The following KLHL36 variants were observed in gnomAD, a reference collection of about 807,000 sequenced individuals.
KLHL36 encodes the protein kelch like family member 36, also known as kelch-like protein 36.
KLHL36 carries 35 observed loss-of-function variants against 53.3 expected under a neutral mutation model. The ratio of observed to expected loss-of-function variants is 0.66; its 90% CI spans 0.50 to 0.87. KLHL36 has a LOEUF of 0.87. Among genes scored for constraint, KLHL36 ranks in the 40% least tolerant of loss-of-function variants. The pLI is 0.00. For synonymous variants in KLHL36, 472 were observed against 398.9 expected (o/e 1.18, Z -2.18); for missense variants, 864 against 897.6 (o/e 0.96, Z 0.48).
In KLHL36 at chr16:84,661,954, A is replaced by C; in HGVS notation, c.1672A>C (p.Asn558His). The C allele has an allele frequency of 6.3e-7, 1 of 1,599,814 alleles. No homozygotes were observed. The highest frequency in any genetic ancestry group is 8.5e-7 in the Non-Finnish European group (1 of 1,174,032). Residue 558 changes from asparagine to histidine, a missense_variant, in exon 5 of 5, where the codon AAC (asparagine) becomes CAC (histidine). Coordinates refer to ENST00000564996, the MANE Select transcript of KLHL36 (RefSeq NM_024731.4). The surrounding 1 kb of genome is among the most constrained non-coding windows in gnomAD (Gnocchi z 7.9). ...IYILGGYSWE[N>H]TAFSKTVQVY... is the part of the protein sequence containing the mutation. ...CATCCTGGGCGGCTACAGCTGGGAGAACACTGCCTTCTCCAAGACCGTGCA... is the reference window on the plus strand; with the variant it reads ...CATCCTGGGCGGCTACAGCTGGGAGCACACTGCCTTCTCCAAGACCGTGCA...
intron 2 of KLHL36, among the ~76,000 whole-genome samples, chr16:84,653,789 G>T (rs1031945305): frequency 6.8e-6 from 1 of 146,102 alleles, no homozygotes; most frequent in Non-Finnish European, 1.5e-5. Context: ...GCAGTGAGCC[G>T]AGATCGAGCC....
Position 84,666,675 on chromosome 16 carries a change from A to T in KLHL36, c.*4542A>T, listed in dbSNP as rs763798108. On this transcript the variant is annotated 3_prime_UTR_variant, in exon 5 of 5. Transcript: ENST00000564996. ...AGCGGAAACAATGAACCATTCTTGC[A>T]CTTTACAGAATCATTGTCCTTAGCT... The T allele has an allele frequency of 1.6e-4, 25 of 152,176 alleles. No homozygotes were observed. The highest frequency in any genetic ancestry group is 1.2e-4 in the Non-Finnish European group (8 of 68,022). The allele number at this position is 152,176 out of a possible 1,614,324, so 9.4% of individuals were successfully genotyped here.
intron 1 of KLHL36, 105 bp from the exon 2 acceptor site, chr16:84,650,745 CGT>C: frequency 2.6e-6 from 2 of 762,166 alleles, no homozygotes; most frequent in East Asian, 2.7e-5. Flanking sequence ...CTCCTTCTTC[CGT>C]GTGACTGTTT....
At chr16:84,651,511 T>G (rs974895349) in intron 2 of KLHL36, among the ~76,000 whole-genome samples, 1 of 152,226 alleles carries the variant, frequency 6.6e-6, no homozygotes, top group Non-Finnish European at 1.5e-5. Flanking sequence ...TGCTATACTT[T>G]CCACAAACTC....
At chr16:84,658,862 G>A (rs1034888393) in intron 3 of KLHL36, 2 of 152,146 alleles carry the variant, frequency 1.3e-5, no homozygotes, top group Admixed American at 6.5e-5. Flanking sequence ...AGAAATCTGA[G>A]ACTGCCCTCC....
Position 84,663,314 on chromosome 16 carries a change from C to T in KLHL36, c.*1181C>T, listed in dbSNP as rs1386815788. The T allele has an allele frequency of 6.6e-6, 1 of 152,342 alleles. No homozygotes were observed. 9.4% of individuals were successfully genotyped at this position (152,342 alleles called of 1,614,324 possible). On this transcript the variant is annotated 3_prime_UTR_variant, in exon 5 of 5. Coordinates refer to ENST00000564996, the MANE Select transcript of KLHL36 (RefSeq NM_024731.4). ...CTCCCGGGTGATAGGGCCATTCAGC[C>T]TCTGAGCTGTTCGTACCCGGATGGC...
At chr16:84,659,985 G>A in intron 4 of KLHL36, 68 bp downstream of exon 4, 5 of 1,452,834 alleles carry the variant, frequency 3.4e-6, no homozygotes, top group Non-Finnish European at 4.7e-6. Context: ...CAGTCCACGT[G>A]CCTCACTTTC....
chr16:84,649,964 C>T (rs1906744100), intron 1 of KLHL36, among the ~76,000 whole-genome samples: 1 of 147,816 alleles, frequency 6.8e-6, no homozygotes, highest in African/African-American at 2.5e-5. Flanking sequence ...GCCCCTCCCC[C>T]TGCCTCCCCC....
At position 84,648,942 on chromosome 16, in the gene KLHL36, A is replaced by C. The variant is rs990079811; in HGVS notation, c.-17+293A>C. 6.6e-6 allele frequency: 1 copy of C among 152,360 alleles called. No individual in the cohort carries two copies. The allele number at this position is 152,360 out of a possible 1,614,324, so 9.4% of individuals were successfully genotyped here. ...ACTCCGCCTCCTCGCCGCCGGCTGG[A>C]GCCTGCTGGGCGGCCGTTGCGCTGA... On this transcript the variant is annotated intron_variant, in intron 1 of 4. Transcript: ENST00000564996. The surrounding 1 kb of genome is among the most constrained non-coding windows in gnomAD (Gnocchi z 4.9).
In KLHL36 at chr16:84,648,571, G is replaced by T; in HGVS notation, c.-95G>T. ...GCAGCGGGCTGGCCGGGGGTCTCCT[G>T]AACCCGGGCCCCGCCGCCCCGACCG... On this transcript the variant is annotated 5_prime_UTR_variant, in exon 1 of 5. The change creates a premature stop within an existing upstream ORF in the 5' untranslated region. Coordinates refer to ENST00000564996, the MANE Select transcript of KLHL36 (RefSeq NM_024731.4). The surrounding 1 kb of genome is among the most constrained non-coding windows in gnomAD (Gnocchi z 4.9). The T allele has an allele frequency of 1.4e-5, 2 of 147,226 alleles. No individual in the cohort carries two copies. Among genetic ancestry groups the T allele is most frequent in the South Asian group, 3.6e-4 (2 of 5,518 alleles). The allele number at this position is 147,226 out of a possible 1,614,324, so 9.1% of individuals were successfully genotyped here. A position where few individuals can be genotyped will look rare whatever the true frequency, so the allele number is the denominator to read the frequency against.
chr16:84,658,199 G>T (rs1392734411), intron 3 of KLHL36: 5 of 368,648 alleles, frequency 1.4e-5, no homozygotes, highest in African/African-American at 1.0e-4. Flanking sequence ...GCAGATGGAA[G>T]GGTCTGTCTG....
chr16:84,662,099 G>A lies in KLHL36; in HGVS notation c.1817G>A (p.Gly606Asp). The change falls in exon 5 of 5, where the codon GGC (glycine) becomes GAC (aspartate). Residue 606 changes from glycine (G) to aspartate (D), a missense_variant. Gly to Asp is a moderately conservative substitution (Grantham distance 94, BLOSUM62 -1). Transcript: ENST00000564996. ...CGGCCAGAGGACAAGAAGAAGAAAG[G>A]CAAAGGCAAGAGGCACCAGGACCGG... ...EPRPEDKKKK[G>D]KGKRHQDRGQ is the part of the protein sequence containing the mutation. 1 of 1,566,222 alleles carries A rather than the reference G, an allele frequency of 6.4e-7. No individual in the cohort carries two copies. Among genetic ancestry groups the A allele is most frequent in the Non-Finnish European group, 8.7e-7 (1 of 1,154,818 alleles).
intron 2 of KLHL36, among the ~76,000 whole-genome samples, chr16:84,654,070 C>G (rs1365983298): frequency 2.0e-5 from 3 of 152,112 alleles, no homozygotes. Context: ...GGGGCTTTCC[C>G]CAGTCCTGCC....
chr16:84,657,012 G>A lies in KLHL36; in HGVS notation c.205G>A (p.Asp69Asn), dbSNP rs532197614. ...AHRNLLAVCS[D>N]YFNSMFTIGM... ...TCGCAACCTGCTGGCCGTGTGCAGC[G>A]ACTACTTCAACTCCATGTTCACCAT... Residue 69 changes from aspartate (D) to asparagine (N), a missense_variant, in exon 3 of 5, where the codon GAC (aspartate) becomes AAC (asparagine). By Grantham distance (23) the Asp-to-Asn change is conservative. Transcript: ENST00000564996. 8.1e-6 allele frequency: 13 copies of A among 1,614,074 alleles called. No homozygotes were observed. Among genetic ancestry groups the A allele is most frequent in the East Asian group, 2.2e-5 (1 of 44,882 alleles).
chr16:84,651,515 C>A (rs1906878686), intron 2 of KLHL36, among the ~76,000 whole-genome samples: 1 of 152,246 alleles, frequency 6.6e-6, no homozygotes, highest in Non-Finnish European at 1.5e-5. Context: ...ATACTTTCCA[C>A]AAACTCCTGT....
In KLHL36 at chr16:84,654,577, A is replaced by AGTTTT. The variant is rs141914382; in HGVS notation, c.64-2238_64-2234dup. Among the ~76,000 whole-genome samples the AGTTTT allele has an allele frequency of 3.9e-3, 583 of 148,062 alleles. 4 individuals are homozygous for AGTTTT. Among genetic ancestry groups the AGTTTT allele is most frequent in the South Asian group, 0.02 (89 of 4,540 alleles). The stretch of plus-strand genomic sequence containing the variant: ...TGAAGTGGAGGGATTGCTTGAGACT[A>AGTTTT]GTTTTGTTTTGTTTTGTTTTGTTTT... On this transcript the variant is annotated intron_variant, in intron 2 of 4. Coordinates refer to ENST00000564996, the MANE Select transcript of KLHL36 (RefSeq NM_024731.4).
Position 84,657,793 on chromosome 16 carries a change from C to T in KLHL36, c.986C>T (p.Thr329Met), listed in dbSNP as rs771289520. Reference protein sequence around the residue: ...DAKSEQWVKETPLPARRSHHC... With the variant: ...DAKSEQWVKEMPLPARRSHHC... ...AAGAGCGAGCAGTGGGTCAAAGAGA[C>T]GCCGCTGCCCGCCCGGCGGAGCCAC... The change falls in exon 3 of 5, where the codon ACG becomes ATG. Residue 329 changes from threonine to methionine, a missense_variant. By Grantham distance (81) the Thr-to-Met change is moderately conservative. Coordinates refer to ENST00000564996, the MANE Select transcript of KLHL36 (RefSeq NM_024731.4). 8.7e-6 allele frequency: 14 copies of T among 1,606,134 alleles called. No homozygotes were observed. Among genetic ancestry groups the T allele is most frequent in the Middle Eastern group, 1.7e-4 (1 of 5,988 alleles).
rs1907602562 is a variant in KLHL36, at chr16:84,662,205, A to G, written c.*72A>G. The G allele has an allele frequency of 4.6e-6, 6 of 1,312,356 alleles. No homozygotes were observed. The highest frequency in any genetic ancestry group is 6.1e-6 in the Non-Finnish European group (6 of 985,050). 81.3% of individuals were successfully genotyped at this position (1,312,356 alleles called of 1,614,324 possible). A position where few individuals can be genotyped will look rare whatever the true frequency, so the allele number is the denominator to read the frequency against. The stretch of plus-strand genomic sequence containing the variant: ...CTCTGTAGACCAGCAGCAACTTCTT[A>G]GTATTCCGGAAACATTATGTACAAC... On this transcript the variant is annotated 3_prime_UTR_variant, in exon 5 of 5. Transcript: ENST00000564996.
Position 84,667,106 on chromosome 16 carries a change from G to C in KLHL36, c.*4973G>C, listed in dbSNP as rs1907884202. ...AAGAAATTGTCCTTTGGTTGCCTTA[G>C]TTACCAGAGTTGAATGAATGTACAC... On this transcript the variant is annotated 3_prime_UTR_variant, in exon 5 of 5. Transcript: ENST00000564996. 1 of 151,480 alleles carries C rather than the reference G, an allele frequency of 6.6e-6. No homozygotes were observed. Among genetic ancestry groups the C allele is most frequent in the South Asian group, 2.1e-4 (1 of 4,780 alleles). 9.4% of individuals were successfully genotyped at this position (151,480 alleles called of 1,614,324 possible). A position where few individuals can be genotyped will look rare whatever the true frequency, so the allele number is the denominator to read the frequency against.
Sources: allele counts gnomAD v4.1 joint callset (sites outside exome capture counted in the v4.1 genomes callset), GRCh38; gene constraint gnomAD v4.1.1; non-coding constraint Gnocchi (gnomAD v3.1); transcripts MANE v1.5; gene names NCBI Gene and HGNC (gene_info 2026-07-23, HGNC 2026-07-21).